CUL1: variants seen among roughly 807,000 people sequenced by gnomAD.
The protein encoded by CUL1 is cullin 1.
CUL1 carries 24 observed loss-of-function variants against 118.0 expected under a neutral mutation model. The observed-to-expected ratio is 0.20, with a 90% CI of 0.15 to 0.29. The LOEUF (loss-of-function observed/expected upper bound fraction) is 0.29, where lower values mean the gene tolerates loss of function less well. Among genes scored for constraint, CUL1 ranks in the 10% least tolerant of loss-of-function variants. The pLI is 1.00. For missense variants in CUL1, 361 were observed against 933.8 expected (o/e 0.39, Z 7.99); for synonymous variants, 332 against 340.4 (o/e 0.98, Z 0.27).
chr7:148,768,772 T>C (rs1396156735), intron 9 of CUL1, among the ~76,000 whole-genome samples: 3 of 152,224 alleles, frequency 2.0e-5, no homozygotes, highest in Non-Finnish European at 2.9e-5. Context: ...TTAATGATTA[T>C]TTTTGATAGC....
chr7:148,789,858 T>C lies in CUL1; in HGVS notation c.1674+32T>C, dbSNP rs778316763. On this transcript the variant is annotated intron_variant, in intron 15 of 21. Transcript: ENST00000325222. Reference sequence around the variant, plus strand: ...ATGGGTTTGTCTGCCATCCCATTAGTGCTAAGTGGAGGGTGGGGCAGGGCA... The same window carrying C: ...ATGGGTTTGTCTGCCATCCCATTAGCGCTAAGTGGAGGGTGGGGCAGGGCA... 3 of 1,595,722 alleles carry C rather than the reference T, an allele frequency of 1.9e-6. No homozygotes were observed. The African/African-American group carries it at 4.0e-5, about 21-fold the overall frequency.
At chr7:148,746,749 A>ATCAGT (rs1799320679) in intron 2 of CUL1, among the ~76,000 whole-genome samples, 1 of 152,240 alleles carries the variant, frequency 6.6e-6, no homozygotes, top group African/African-American at 2.4e-5. Context: ...AGTAAAAGTA[A>ATCAGT]AAATTCCATC....
At chr7:148,764,488 G>GCTTA (rs1438429282) in intron 7 of CUL1, among the ~76,000 whole-genome samples, 1 of 152,174 alleles carries the variant, frequency 6.6e-6, no homozygotes, top group Non-Finnish European at 1.5e-5. Context: ...CTGCAGGAAG[G>GCTTA]GTCTGTAGAC....
chr7:148,779,145 G>A (rs1800524363), intron 9 of CUL1, among the ~76,000 whole-genome samples: 1 of 152,162 alleles, frequency 6.6e-6, no homozygotes, highest in South Asian at 2.1e-4. Context: ...TTTTCTCTTC[G>A]TGAAATTGGC....
intron 1 of CUL1, among the ~76,000 whole-genome samples, chr7:148,724,753 A>G (rs1048793763): frequency 3.9e-5 from 6 of 152,242 alleles, no homozygotes; most frequent in African/African-American, 1.4e-4. Context: ...GTGGACATTC[A>G]TAACCACACT....
At chr7:148,713,334 C>T (rs1798109531) in intron 1 of CUL1, among the ~76,000 whole-genome samples, 1 of 152,164 alleles carries the variant, frequency 6.6e-6, no homozygotes, top group Admixed American at 6.5e-5. Flanking sequence ...GTCTTTATAA[C>T]ACCTGTTAAA....
intron 9 of CUL1, among the ~76,000 whole-genome samples, chr7:148,781,913 G>C (rs1443479448): frequency 6.6e-6 from 1 of 152,132 alleles, no homozygotes; most frequent in Admixed American, 6.5e-5. Flanking sequence ...CCTGTGAGGG[G>C]TCTTCCAAAA....
rs372233953 is a variant in CUL1, at chr7:148,787,160, T to G, written c.1479+40T>G. 5.2e-5 allele frequency: 84 copies of G among 1,608,036 alleles called. No homozygotes were observed. Among genetic ancestry groups the G allele is most frequent in the Non-Finnish European group, 6.4e-5 (75 of 1,176,842 alleles). On this transcript the variant is annotated intron_variant, in intron 13 of 21. Coordinates refer to ENST00000325222, the MANE Select transcript of CUL1 (RefSeq NM_003592.3). This position sits in a 1 kb window ranked among gnomAD's most constrained non-coding sequence, Gnocchi z 5.5. ...TTCCTGAAAAATCCCAGCTTCTGAG[T>G]CATTATTAAAACAGCTCTATGGCCG...
In CUL1 at chr7:148,702,187, AAC is replaced by A. The variant is rs563802136; in HGVS notation, c.-162+3163_-162+3164del. 1.8e-3 allele frequency among the ~76,000 whole-genome samples: 272 copies of A among 152,344 alleles called. 1 individual carries two copies. Among genetic ancestry groups the A allele is most frequent in the African/African-American group, 6.3e-3 (260 of 41,580 alleles). On this transcript the variant is annotated intron_variant, in intron 1 of 21. Coordinates refer to ENST00000325222, the MANE Select transcript of CUL1 (RefSeq NM_003592.3). ...CTGTTTATAATATGAAGATTTAGTA[AAC>A]ACACTATAAACAGAATTATTATAAC...
intron 7 of CUL1, 74 bp downstream of exon 7, chr7:148,760,570 A>C: frequency 9.4e-7 from 1 of 1,065,714 alleles, no homozygotes; most frequent in South Asian, 1.8e-5. Flanking sequence ...TTTTTAGCAT[A>C]TACAGCTTTC....
chr7:148,740,354 C>T (rs1799103125), intron 2 of CUL1, among the ~76,000 whole-genome samples: 1 of 152,164 alleles, frequency 6.6e-6, no homozygotes, highest in Admixed American at 6.5e-5. Context: ...TGTGCCCAGC[C>T]TTAATGGCTC....
rs1023909809 is a variant in CUL1, at chr7:148,797,857, T to C, written c.1945T>C (p.Leu649=). The C allele has an allele frequency of 6.2e-7, 1 of 1,613,496 alleles. No homozygotes were observed. The highest frequency in any genetic ancestry group is 1.3e-5 in the African/African-American group (1 of 75,028). Residue 649 remains leucine (L), a splice_region_variant and synonymous_variant, in exon 18 of 22, where the codon TTG becomes CTG. Coordinates refer to ENST00000325222, the MANE Select transcript of CUL1 (RefSeq NM_003592.3). ...VLQILLKSKL[L]VLEDENANVD... Reference sequence around the variant, plus strand: ...ACAGATTTTATTAAAGTCGAAGCTATTGGTAGGTTTGCGCCCTTTTATCTT... The same window carrying C: ...ACAGATTTTATTAAAGTCGAAGCTACTGGTAGGTTTGCGCCCTTTTATCTT...
At chr7:148,737,584 T>A (rs867189374) in intron 2 of CUL1, among the ~76,000 whole-genome samples, 7 of 118,142 alleles carry the variant, frequency 5.9e-5, no homozygotes, top group African/African-American at 4.8e-4. Flanking sequence ...TTATATTTAT[T>A]TATTTATTTA....
intron 11 of CUL1, among the ~76,000 whole-genome samples, chr7:148,785,334 C>T (rs781740848): frequency 4.0e-5 from 6 of 151,878 alleles, no homozygotes; most frequent in Non-Finnish European, 8.8e-5. Context: ...ACTGGGTCTT[C>T]ATTCAGTTTG....
At chr7:148,777,174 G>A (rs3823637) in intron 9 of CUL1, among the ~76,000 whole-genome samples, 119,885 of 152,126 alleles carry the variant, frequency 0.79, 48,143 homozygotes, top group African/African-American at 0.95. Context: ...AACCAAGGCC[G>A]GAATCAAAAT....
chr7:148,756,085 A>C (rs1030699930), intron 3 of CUL1, among the ~76,000 whole-genome samples: 3 of 152,214 alleles, frequency 2.0e-5, no homozygotes, highest in Admixed American at 6.5e-5. Context: ...AAGAAAAAAA[A>C]TTCCGGTTAG....
At chr7:148,734,424 T>C (rs1394502701) in intron 2 of CUL1, among the ~76,000 whole-genome samples, 1 of 152,194 alleles carries the variant, frequency 6.6e-6, no homozygotes, top group Admixed American at 6.5e-5. Context: ...TTGTATTTTT[T>C]GTAGATACAG....
In CUL1 at chr7:148,746,861, C is replaced by T. The variant is rs934236216; in HGVS notation, c.141-7115C>T. ...TAGCTGAAATGTGATAAATATATTG[C>T]AGTCTTTTTAACCACCATCTATTCC... is the stretch of plus-strand genomic sequence containing the variant. On this transcript the variant is annotated intron_variant, in intron 2 of 21. Transcript: ENST00000325222. Among the ~76,000 whole-genome samples, 6 of 152,166 alleles carry T rather than the reference C, an allele frequency of 3.9e-5. 1 individual carries two copies. The highest frequency in any genetic ancestry group is 2.6e-4 in the Admixed American group (4 of 15,278).
intron 9 of CUL1, among the ~76,000 whole-genome samples, chr7:148,776,092 A>C (rs547492677): frequency 6.6e-6 from 1 of 151,754 alleles, no homozygotes; most frequent in African/African-American, 2.4e-5. Flanking sequence ...CGTCAGTCCT[A>C]CCCTTTTCTA....
Sources: allele counts gnomAD v4.1 joint callset (sites outside exome capture counted in the v4.1 genomes callset), GRCh38; gene constraint gnomAD v4.1.1; non-coding constraint Gnocchi (gnomAD v3.1); transcripts MANE v1.5; gene names NCBI Gene and HGNC (gene_info 2026-07-23, HGNC 2026-07-21).